STXBP5L: variants seen among roughly 807,000 people sequenced by gnomAD.
STXBP5L encodes syntaxin-binding protein 5-like.
Under a neutral mutation model 144.5 loss-of-function variants are expected in STXBP5L, and 65 were observed. The ratio of observed to expected loss-of-function variants is 0.45; its 90% CI spans 0.37 to 0.55. The LOEUF (loss-of-function observed/expected upper bound fraction) is 0.55. Among genes scored for constraint, STXBP5L ranks in the 20% least tolerant of loss-of-function variants. The pLI, the probability that STXBP5L is intolerant of heterozygous loss-of-function variation, is 0.00. For missense variants in STXBP5L, 1,298 were observed against 1,405.5 expected (o/e 0.92, Z 1.22); for synonymous variants, 505 against 469.6 (o/e 1.08, Z -0.97).
At chr3:121,065,074 T>TA (rs34356840) in intron 5 of STXBP5L, among the ~76,000 whole-genome samples, 1 of 124,560 alleles carries the variant, frequency 8.0e-6, no homozygotes, top group African/African-American at 3.5e-5. Context: ...GTTGTGATTT[T>TA]TTTTTTTTAT....
intron 3 of STXBP5L, among the ~76,000 whole-genome samples, chr3:121,023,889 G>C (rs538794091): frequency 1.3e-5 from 2 of 152,018 alleles, no homozygotes; most frequent in Admixed American, 1.3e-4. Flanking sequence ...CCAAGTAGCT[G>C]GGACTACAGG....
intron 20 of STXBP5L, among the ~76,000 whole-genome samples, chr3:121,377,245 G>A (rs2046210346): frequency 6.6e-6 from 1 of 151,836 alleles, no homozygotes; most frequent in Non-Finnish European, 1.5e-5. Flanking sequence ...GATTGCCCTG[G>A]CCAGAACTTC....
chr3:121,008,878 A>G lies in STXBP5L; in HGVS notation c.288-32822A>G, dbSNP rs139313151. ...AGAATATGTAGCAATTGTAATAAAT[A>G]AAATATCTATCTTTTCCAGGATGGA... On this transcript the variant is annotated intron_variant, in intron 3 of 26. Transcript: ENST00000471454. 4.6e-5 allele frequency among the ~76,000 whole-genome samples: 7 copies of G among 152,158 alleles called. No homozygotes were observed. The East Asian group carries it at 7.7e-4, about 17-fold the overall frequency.
intron 3 of STXBP5L, among the ~76,000 whole-genome samples, chr3:121,005,314 T>C (rs570493946): frequency 1.3e-5 from 2 of 152,344 alleles, no homozygotes; most frequent in African/African-American, 4.8e-5. Flanking sequence ...ATCCATTTCT[T>C]CTAGATTTTC....
intron 10 of STXBP5L, among the ~76,000 whole-genome samples, chr3:121,213,085 G>C (rs2048639872): frequency 6.6e-6 from 1 of 152,186 alleles, no homozygotes; most frequent in African/African-American, 2.4e-5. Context: ...TGCTGAAGTT[G>C]CTTATCAGCT....
intron 10 of STXBP5L, 128 bp downstream of exon 10, chr3:121,206,129 A>G (rs1192584797): frequency 2.1e-6 from 1 of 472,374 alleles, no homozygotes; most frequent in Non-Finnish European, 3.8e-6. Context: ...CAATATTAAC[A>G]TAATTGACTT....
chr3:120,925,838 G>A (rs1290164726), intron 2 of STXBP5L, among the ~76,000 whole-genome samples: 1 of 152,144 alleles, frequency 6.6e-6, no homozygotes, highest in Non-Finnish European at 1.5e-5. Flanking sequence ...TTGCCATGAG[G>A]CTTACAGAGA....
At chr3:121,005,500 C>A (rs919409188) in intron 3 of STXBP5L, among the ~76,000 whole-genome samples, 2 of 152,146 alleles carry the variant, frequency 1.3e-5, no homozygotes, top group Non-Finnish European at 2.9e-5. Context: ...TTCACAAAAC[C>A]AGCTCCTGGA....
intron 5 of STXBP5L, among the ~76,000 whole-genome samples, chr3:121,091,819 CT>C (rs1177190357): frequency 6.6e-6 from 1 of 152,058 alleles, no homozygotes; most frequent in Non-Finnish European, 1.5e-5. Context: ...ATTGCCATTG[CT>C]TTTGGTGTTT....
chr3:120,954,874 ATGGTATCTTGTGAT>A, intron 2 of STXBP5L, 52 bp from the exon 3 acceptor site: 1 of 1,326,840 alleles, frequency 7.5e-7, no homozygotes, highest in Non-Finnish European at 1.0e-6. Context: ...TGGCTATATA[ATGGTATCTTGTGAT>A]TGTAATTTTT....
chr3:120,979,544 ACTGCACCCACTGTC>A (rs1049646890), intron 3 of STXBP5L, among the ~76,000 whole-genome samples: 23 of 152,170 alleles, frequency 1.5e-4, no homozygotes, highest in South Asian at 8.3e-4. Flanking sequence ...CGCACAGTGC[ACTGCACCCACTGTC>A]CTGCACCCAC....
chr3:121,060,383 A>T (rs899596123), intron 5 of STXBP5L, among the ~76,000 whole-genome samples: 1 of 152,156 alleles, frequency 6.6e-6, no homozygotes, highest in African/African-American at 2.4e-5. Flanking sequence ...TCAGTATTTT[A>T]TTGAAGATTT....
chr3:121,392,363 G>T (rs1388389932), intron 22 of STXBP5L, among the ~76,000 whole-genome samples: 2 of 152,134 alleles, frequency 1.3e-5, no homozygotes, highest in Non-Finnish European at 2.9e-5. Context: ...TCCCAGGTAA[G>T]GTGACAATGC....
chr3:121,235,771 A>G (rs1316131635), intron 12 of STXBP5L, among the ~76,000 whole-genome samples: 4 of 151,912 alleles, frequency 2.6e-5, no homozygotes, highest in Middle Eastern at 3.4e-3. Context: ...TATTTGGGAT[A>G]CTATCTGCAA....
chr3:121,007,593 A>G (rs1473794626), intron 3 of STXBP5L, among the ~76,000 whole-genome samples: 2 of 152,042 alleles, frequency 1.3e-5, no homozygotes, highest in African/African-American at 4.8e-5. Context: ...CAGGAATGAG[A>G]TATTCAACTC....
chr3:120,939,687 A>G (rs536102424), intron 2 of STXBP5L, among the ~76,000 whole-genome samples: 84 of 152,314 alleles, frequency 5.5e-4, no homozygotes, highest in Middle Eastern at 3.4e-3. Context: ...ATCTTTTTCA[A>G]TCGTCGAACA....
chr3:121,026,852 A>AAT (rs1041579632), intron 3 of STXBP5L, among the ~76,000 whole-genome samples: 26 of 151,332 alleles, frequency 1.7e-4, no homozygotes, highest in Middle Eastern at 3.4e-3. Flanking sequence ...ATTATTAAAA[A>AAT]ATATATATAT....
At chr3:120,968,357 C>A (rs1026217156) in intron 3 of STXBP5L, among the ~76,000 whole-genome samples, 1 of 151,940 alleles carries the variant, frequency 6.6e-6, no homozygotes, top group Non-Finnish European at 1.5e-5. Flanking sequence ...ATATAATGAC[C>A]TTCTGTATCT....
intron 7 of STXBP5L, among the ~76,000 whole-genome samples, chr3:121,134,613 TTC>T (rs2045157989): frequency 6.6e-6 from 1 of 151,918 alleles, no homozygotes; most frequent in Non-Finnish European, 1.5e-5. Context: ...TGTCCAAGTG[TTC>T]TCATTGTTCA....
Sources: gnomAD v4.1 joint callset for allele counts (sites outside exome capture counted in the v4.1 genomes callset) on GRCh38, gnomAD v4.1.1 for gene constraint, MANE v1.5 for transcripts, NCBI Gene and HGNC (gene_info 2026-07-23, HGNC 2026-07-21) for gene names.